The following MCM9 variants were observed in gnomAD, a reference collection of about 807,000 sequenced individuals.
MCM9 encodes DNA helicase MCM9.
In MCM9, 55 loss-of-function variants were observed where a neutral mutation model predicts 72.8. The observed-to-expected ratio is 0.76, with a 90% CI of 0.61 to 0.95. The LOEUF (loss-of-function observed/expected upper bound fraction) is 0.95, where lower values mean the gene tolerates loss of function less well. MCM9 is among the 40% of genes least tolerant of loss of function. The pLI is 0.00. For synonymous variants in MCM9, 480 were observed against 503.4 expected (o/e 0.95, Z 0.62); for missense variants, 1,279 against 1,377.0 (o/e 0.93, Z 1.13).
chr6:118,870,857 G>T (rs1777554037), intron 8 of MCM9, among the ~76,000 whole-genome samples: 1 of 151,828 alleles, frequency 6.6e-6, no homozygotes, highest in African/African-American at 2.4e-5. Flanking sequence ...CCACCTAGAA[G>T]AATTAGGCAA....
At chr6:118,826,315 G>A (rs1280868461) in intron 12 of MCM9, 23 bp from the exon 13 acceptor site, 1 of 1,544,304 alleles carries the variant, frequency 6.5e-7, no homozygotes, top group African/African-American at 1.4e-5. Flanking sequence ...GAAAATACCA[G>A]GAGAGTCACC....
chr6:118,819,472 A>G (rs1019454332), intron 13 of MCM9, among the ~76,000 whole-genome samples: 1 of 152,228 alleles, frequency 6.6e-6, no homozygotes, highest in Non-Finnish European at 1.5e-5. Context: ...GATGAAGCTG[A>G]CTTGAACATG....
intron 8 of MCM9, among the ~76,000 whole-genome samples, chr6:118,861,189 A>G (rs2114701778): frequency 6.6e-6 from 1 of 152,306 alleles, no homozygotes; most frequent in Non-Finnish European, 1.5e-5. Context: ...GACGTACCAT[A>G]AGCAGCTTCT....
At chr6:118,909,531 G>A (rs1159290734) in intron 8 of MCM9, among the ~76,000 whole-genome samples, 1 of 152,082 alleles carries the variant, frequency 6.6e-6, no homozygotes, top group Non-Finnish European at 1.5e-5. Flanking sequence ...TACTGTATCT[G>A]AAGAACTATT....
rs138548191 is a variant in MCM9 at position 118,931,766 on chromosome 6, T to C, written c.-15-28A>G. 2.3e-4 allele frequency: 345 copies of C among 1,478,448 alleles called. No homozygotes were observed. In the East Asian group the frequency reaches 6.9e-3, roughly 30 times the overall value. 91.6% of individuals were successfully genotyped at this position (1,478,448 alleles called of 1,614,324 possible). A position where few individuals can be genotyped will look rare whatever the true frequency, so the allele number is the denominator to read the frequency against. On this transcript the variant is annotated intron_variant, in intron 2 of 13. Coordinates refer to ENST00000619706, the MANE Select transcript of MCM9 (RefSeq NM_017696.3). Reference sequence around the variant, plus strand: ...AAAGAAAAAAAAAAGGATCATATTATATATTTGATACTCAAGATGTACACA... The same window carrying C: ...AAAGAAAAAAAAAAGGATCATATTACATATTTGATACTCAAGATGTACACA...
chr6:118,868,668 C>T (rs2114294850), intron 8 of MCM9, among the ~76,000 whole-genome samples: 1 of 152,308 alleles, frequency 6.6e-6, no homozygotes, highest in East Asian at 1.9e-4. Flanking sequence ...TGAAAAAATG[C>T]TCATCATCAC....
chr6:118,829,461 A>G (rs571574506), intron 9 of MCM9, among the ~76,000 whole-genome samples: 62 of 152,362 alleles, frequency 4.1e-4, no homozygotes, highest in African/African-American at 1.4e-3. Context: ...TAACCGTTCA[A>G]TAAACACTTT....
At chr6:118,916,295 GCTT>G (rs780420500) in intron 6 of MCM9, among the ~76,000 whole-genome samples, 7 of 150,036 alleles carry the variant, frequency 4.7e-5, no homozygotes, top group Admixed American at 6.6e-5. Context: ...GAGAACTTTT[GCTT>G]CTTTCAATAC....
intron 8 of MCM9, among the ~76,000 whole-genome samples, chr6:118,872,251 G>A (rs373225000): frequency 1.2e-4 from 18 of 151,304 alleles, no homozygotes; most frequent in African/African-American, 3.4e-4. Context: ...CCCGGGAGGC[G>A]GAGCTTGCAG....
At chr6:118,884,583 TA>T (rs1778485433) in intron 8 of MCM9, among the ~76,000 whole-genome samples, 1 of 152,004 alleles carries the variant, frequency 6.6e-6, no homozygotes, top group Non-Finnish European at 1.5e-5. Flanking sequence ...ACCGTATCAG[TA>T]ACATTAAATG....
intron 9 of MCM9, among the ~76,000 whole-genome samples, chr6:118,842,079 C>T (rs1441712146): frequency 1.3e-5 from 2 of 152,178 alleles, no homozygotes; most frequent in Admixed American, 6.5e-5. Flanking sequence ...GTGATCCACC[C>T]GCCTCTGCCT....
chr6:118,922,050 T>A lies in MCM9; in HGVS notation c.658A>T (p.Met220Leu), dbSNP rs1781476768. The change falls in exon 5 of 14, where the codon ATG becomes TTG. Residue 220 changes from methionine (M) to leucine (L), a missense_variant. By Grantham distance (15) the Met-to-Leu change is conservative. Transcript: ENST00000619706. ...AAGTCATCTTCCAGAATAACCTTCA[T>A]AGATCGTGGAATACTTCCAACAGAT... Reference protein sequence around the residue: ...RLSVGSIPRSMKVILEDDLVD... With the variant: ...RLSVGSIPRSLKVILEDDLVD... 2 of 1,613,116 alleles carry A rather than the reference T, an allele frequency of 1.2e-6. No homozygotes were observed. Among genetic ancestry groups the A allele is most frequent in the Non-Finnish European group, 8.5e-7 (1 of 1,179,556 alleles).
chr6:118,922,036 C>T lies in MCM9; in HGVS notation c.672G>A (p.Leu224=). Reference sequence around the variant, plus strand: ...TGCAACTATCCACTAAGTCATCTTCCAGAATAACCTTCATAGATCGTGGAA... The same window carrying T: ...TGCAACTATCCACTAAGTCATCTTCTAGAATAACCTTCATAGATCGTGGAA... ...GSIPRSMKVI[L]EDDLVDSCKS... Residue 224 remains leucine (L), a synonymous_variant, in exon 5 of 14, where the codon CTG becomes CTA. Transcript: ENST00000619706. 1 of 1,612,826 alleles carries T rather than the reference C, an allele frequency of 6.2e-7. No homozygotes were observed.
chr6:118,919,855 C>T (rs917766600), intron 5 of MCM9: 2 of 152,218 alleles, frequency 1.3e-5, no homozygotes, highest in African/African-American at 4.8e-5. Flanking sequence ...AGCACACACC[C>T]TCCAACTTCA....
chr6:118,927,747 C>T (rs1365363400), intron 3 of MCM9, among the ~76,000 whole-genome samples: 1 of 152,144 alleles, frequency 6.6e-6, no homozygotes, highest in African/African-American at 2.4e-5. Flanking sequence ...TCTGGTTTAA[C>T]AACAAAGCTG....
intron 8 of MCM9, among the ~76,000 whole-genome samples, chr6:118,909,465 G>T (rs780295219): frequency 3.4e-5 from 5 of 148,952 alleles, no homozygotes; most frequent in African/African-American, 5.2e-5. Context: ...CATTAGAAAC[G>T]TAAGAAACTG....
chr6:118,906,715 C>T lies in MCM9; in HGVS notation c.1150+4935G>A, dbSNP rs1780201170. Reference sequence around the variant, plus strand: ...CTAGGATTCAGCATTCTTAAAGATACTTAGTATTTTCTGATTTTTCACTGG... The same window carrying T: ...CTAGGATTCAGCATTCTTAAAGATATTTAGTATTTTCTGATTTTTCACTGG... On this transcript the variant is annotated intron_variant, in intron 8 of 13. Coordinates refer to ENST00000619706, the MANE Select transcript of MCM9 (RefSeq NM_017696.3). Among the ~76,000 whole-genome samples the T allele has an allele frequency of 2.0e-5, 3 of 152,112 alleles. No individual in the cohort carries two copies. In the South Asian group the frequency reaches 6.2e-4, roughly 32 times the overall value.
chr6:118,905,693 A>G, intron 8 of MCM9: 11 of 1,613,598 alleles, frequency 6.8e-6, no homozygotes, highest in Non-Finnish European at 7.6e-6. Context: ...ATGCAGATGC[A>G]GTAGGCGTAA....
At chr6:118,902,471 T>G (rs1306425690) in intron 8 of MCM9, among the ~76,000 whole-genome samples, 1 of 152,126 alleles carries the variant, frequency 6.6e-6, no homozygotes, top group African/African-American at 2.4e-5. Context: ...GAACCCATAC[T>G]TTACTGATAA....
Sources: gnomAD v4.1 joint callset for allele counts (sites outside exome capture counted in the v4.1 genomes callset) on GRCh38, gnomAD v4.1.1 for gene constraint, MANE v1.5 for transcripts, NCBI Gene and HGNC (gene_info 2026-07-23, HGNC 2026-07-21) for gene names.